The following SNRPD1 variants were observed in gnomAD, a reference collection of about 807,000 sequenced individuals.
SNRPD1 encodes the protein small nuclear ribonucleoprotein Sm D1.
In SNRPD1, 1 loss-of-function variant was observed where a neutral mutation model predicts 14.4. The observed-to-expected ratio is 0.07, with a 90% CI of 0.02 to 0.33. The LOEUF is 0.33. Ranked by LOEUF, SNRPD1 falls within the 10% of genes least tolerant of loss-of-function variation. The probability of loss-of-function intolerance (pLI) is 1.00; values close to 1 mark genes in which losing one functional copy is unlikely to be tolerated. For synonymous variants in SNRPD1, 42 were observed against 50.3 expected (o/e 0.83, Z 0.70); for missense variants, 52 against 146.4 (o/e 0.36, Z 3.33).
At chr18:21,625,342 G>GTTTTTTTT (rs2039029863) in intron 3 of SNRPD1, among the ~76,000 whole-genome samples, 1 of 45,106 alleles carries the variant, frequency 2.2e-5, no homozygotes, top group African/African-American at 4.6e-4. Context: ...TTGAGATGGA[G>GTTTTTTTT]TTTCGCTCTT....
chr18:21,612,566 C>T (rs2038926572), intron 1 of SNRPD1, 123 bp downstream of exon 1: 2 of 691,362 alleles, frequency 2.9e-6, no homozygotes, highest in Non-Finnish European at 4.6e-6. Flanking sequence ...TGCTAACGGC[C>T]GGCCTTACTG....
At position 21,612,346 on chromosome 18, in the gene SNRPD1, C is replaced by T. The variant is rs369850023; in HGVS notation, c.-84C>T. 4.6e-6 allele frequency: 5 copies of T among 1,090,590 alleles called. No individual in the cohort carries two copies. Among genetic ancestry groups the T allele is most frequent in the Admixed American group, 5.1e-5 (2 of 38,848 alleles). The allele number at this position is 1,090,590 out of a possible 1,614,324, so 67.6% of individuals were successfully genotyped here. A position where few individuals can be genotyped will look rare whatever the true frequency, so the allele number is the denominator to read the frequency against. ...TCCGGAGCCCCTGGAGTAGGCGCTT[C>T]CGGCCATTCATACTGCAGTCGGTCA... On this transcript the variant is annotated 5_prime_UTR_variant, in exon 1 of 4. Coordinates refer to ENST00000300413, the MANE Select transcript of SNRPD1 (RefSeq NM_006938.4).
intron 3 of SNRPD1, among the ~76,000 whole-genome samples, chr18:21,627,854 C>G (rs748695528): frequency 6.6e-6 from 1 of 152,126 alleles, no homozygotes; most frequent in Non-Finnish European, 1.5e-5. Context: ...CTGATTGTCC[C>G]TTTAATGTCC....
intron 3 of SNRPD1, among the ~76,000 whole-genome samples, chr18:21,627,281 A>G (rs1175360648): frequency 2.0e-5 from 3 of 151,680 alleles, no homozygotes; most frequent in Non-Finnish European, 4.4e-5. Flanking sequence ...CTAATTTTTT[A>G]TTTTTTATTT....
chr18:21,624,775 C>A (rs145018617), intron 3 of SNRPD1, among the ~76,000 whole-genome samples: 1 of 151,672 alleles, frequency 6.6e-6, no homozygotes, highest in Non-Finnish European at 1.5e-5. Context: ...GGTCCTTTAT[C>A]TCATGCTGCT....
chr18:21,624,455 G>A (rs1298932531), intron 3 of SNRPD1, among the ~76,000 whole-genome samples: 1 of 151,688 alleles, frequency 6.6e-6, no homozygotes, highest in Non-Finnish European at 1.5e-5. Flanking sequence ...ACTTTGGGAG[G>A]CCAAGGTGGG....
intron 1 of SNRPD1, among the ~76,000 whole-genome samples, chr18:21,621,856 T>C (rs969633283): frequency 1.3e-5 from 2 of 152,128 alleles, no homozygotes; most frequent in African/African-American, 4.8e-5. Context: ...GGATTATAAA[T>C]AGGCATGAGC....
chr18:21,620,518 G>T (rs1483374405), intron 1 of SNRPD1, among the ~76,000 whole-genome samples: 3 of 152,160 alleles, frequency 2.0e-5, no homozygotes, highest in Non-Finnish European at 4.4e-5. Context: ...TATTATCAAG[G>T]CAACTGGCTA....
At position 21,629,076 on chromosome 18, in the gene SNRPD1, A is replaced by C. The variant is rs772283214; in HGVS notation, c.298A>C (p.Arg100=). The change falls in exon 4 of 4, where the codon AGA becomes CGA. Residue 100 remains arginine (R), a synonymous_variant. Transcript: ENST00000300413. ...TTTTCCTTCAGTTGCAGGAAGAGGC[A>C]GAGGAAGAGGAAGAGGAAGAGGACG... ...KKREAVAGRG[R]GRGRGRGRGR... is the part of the protein sequence containing the mutation. 6.2e-7 allele frequency: 1 copy of C among 1,612,258 alleles called. No individual in the cohort carries two copies. Among genetic ancestry groups the C allele is most frequent in the Non-Finnish European group, 8.5e-7 (1 of 1,178,464 alleles).
At chr18:21,613,283 C>T (rs2038933301) in intron 1 of SNRPD1, among the ~76,000 whole-genome samples, 1 of 152,122 alleles carries the variant, frequency 6.6e-6, no homozygotes, top group Non-Finnish European at 1.5e-5. Context: ...GGTGTTTTTC[C>T]TTGAGACTAA....
At chr18:21,615,572 C>T (rs983964449) in intron 1 of SNRPD1, among the ~76,000 whole-genome samples, 4 of 151,532 alleles carry the variant, frequency 2.6e-5, no homozygotes, top group African/African-American at 9.7e-5. Flanking sequence ...GAGCTGAGAT[C>T]ACGCCATTGC....
chr18:21,627,803 G>T (rs554535204), intron 3 of SNRPD1, among the ~76,000 whole-genome samples: 1 of 152,110 alleles, frequency 6.6e-6, no homozygotes, highest in Non-Finnish European at 1.5e-5. Context: ...TTACATTGAT[G>T]TGTCACTACT....
Position 21,612,363 on chromosome 18 carries a change from A to G in SNRPD1, c.-67A>G. 7.6e-7 allele frequency: 1 copy of G among 1,315,962 alleles called. No individual in the cohort carries two copies. The highest frequency in any genetic ancestry group is 1.0e-6 in the Non-Finnish European group (1 of 964,336). The allele number at this position is 1,315,962 out of a possible 1,614,324, so 81.5% of individuals were successfully genotyped here. A position where few individuals can be genotyped will look rare whatever the true frequency, so the allele number is the denominator to read the frequency against. Reference sequence around the variant, plus strand: ...AGGCGCTTCCGGCCATTCATACTGCAGTCGGTCAGTGTTCGGTTGAAGGAT... The same window carrying G: ...AGGCGCTTCCGGCCATTCATACTGCGGTCGGTCAGTGTTCGGTTGAAGGAT... On this transcript the variant is annotated 5_prime_UTR_variant, in exon 1 of 4. Coordinates refer to ENST00000300413, the MANE Select transcript of SNRPD1 (RefSeq NM_006938.4).
At chr18:21,623,069 G>T (rs1461762846) in intron 2 of SNRPD1, among the ~76,000 whole-genome samples, 1 of 151,800 alleles carries the variant, frequency 6.6e-6, no homozygotes, top group Non-Finnish European at 1.5e-5. Flanking sequence ...TGGGACTACA[G>T]GTGCCTGCCA....
chr18:21,617,141 T>C (rs1047940508), intron 1 of SNRPD1, among the ~76,000 whole-genome samples: 16 of 152,280 alleles, frequency 1.1e-4, no homozygotes, highest in Admixed American at 1.0e-3. Flanking sequence ...GTTACACGTC[T>C]TTGGCACCTT....
At chr18:21,616,689 CTTTT>C (rs34166333) in intron 1 of SNRPD1, among the ~76,000 whole-genome samples, 3 of 135,248 alleles carry the variant, frequency 2.2e-5, no homozygotes, top group Non-Finnish European at 4.7e-5. Flanking sequence ...CTCTTTAAGT[CTTTT>C]TTTTTTTTTT....
At chr18:21,622,828 C>T in intron 2 of SNRPD1, 27 bp downstream of exon 2, 1 of 1,196,128 alleles carries the variant, frequency 8.4e-7, no homozygotes, top group Non-Finnish European at 1.2e-6. Context: ...GCTTTTATAA[C>T]ATTTTTTTTC....
Position 21,630,609 on chromosome 18 carries a change from A to C in SNRPD1, c.*1471A>C, listed in dbSNP as rs1568127242. On this transcript the variant is annotated 3_prime_UTR_variant, in exon 4 of 4. Coordinates refer to ENST00000300413, the MANE Select transcript of SNRPD1 (RefSeq NM_006938.4). ...ACCCCATTTCTACTAAAAATACAAA[A>C]GTTAGCCAGGTGCAGTGACAGGCGC... 6.6e-6 allele frequency: 1 copy of C among 151,796 alleles called. No individual in the cohort carries two copies. Among genetic ancestry groups the C allele is most frequent in the Non-Finnish European group, 1.5e-5 (1 of 67,984 alleles). The allele number at this position is 151,796 out of a possible 1,614,324, so 9.4% of individuals were successfully genotyped here.
chr18:21,628,284 A>G (rs758063166), intron 3 of SNRPD1, among the ~76,000 whole-genome samples: 5 of 152,150 alleles, frequency 3.3e-5, no homozygotes, highest in Non-Finnish European at 7.3e-5. Flanking sequence ...GGAGGCTTAG[A>G]TGGGAGGATC....
Sources: allele counts gnomAD v4.1 joint callset (sites outside exome capture counted in the v4.1 genomes callset), GRCh38; gene constraint gnomAD v4.1.1; transcripts MANE v1.5; gene names NCBI Gene and HGNC (gene_info 2026-07-23, HGNC 2026-07-21).